AATF: variants seen among roughly 807,000 people sequenced by gnomAD.
AATF encodes the protein apoptosis antagonizing transcription factor, also known as protein AATF.
A neutral mutation model predicts 63.7 loss-of-function variants in AATF; 48 were observed. That is an observed-to-expected ratio of 0.75 (90% CI 0.60 to 0.96). The LOEUF is 0.96. AATF is among the 40% of genes least tolerant of loss of function. The pLI is 0.00. For missense variants in AATF, 639 were observed against 685.7 expected (o/e 0.93, Z 0.76); for synonymous variants, 258 against 247.7 (o/e 1.04, Z -0.39).
At chr17:37,055,145 A>G (rs1326667985) in intron 11 of AATF, 1 of 152,352 alleles carries the variant, frequency 6.6e-6, no homozygotes, top group Non-Finnish European at 1.5e-5. Context: ...TCTGTGGCCT[A>G]GGGGTCTGCT....
chr17:37,028,953 A>G (rs183039719), intron 10 of AATF, among the ~76,000 whole-genome samples: 1 of 132,856 alleles, frequency 7.5e-6, no homozygotes, highest in Admixed American at 7.0e-5. Context: ...AATTGTGTGA[A>G]TATATATATA....
intron 10 of AATF, among the ~76,000 whole-genome samples, chr17:37,028,818 G>T (rs914754267): frequency 2.0e-5 from 3 of 152,064 alleles, no homozygotes; most frequent in African/African-American, 7.2e-5. Context: ...TGAAGAATTA[G>T]AAGCAATGTA....
At chr17:36,987,599 C>A (rs777352627) in intron 5 of AATF, among the ~76,000 whole-genome samples, 3 of 152,158 alleles carry the variant, frequency 2.0e-5, no homozygotes, top group African/African-American at 4.8e-5. Flanking sequence ...AGGAAACTCA[C>A]ATTTATTGAG....
At chr17:37,018,503 G>A (rs542281412) in intron 8 of AATF, among the ~76,000 whole-genome samples, 10 of 152,298 alleles carry the variant, frequency 6.6e-5, no homozygotes, top group African/African-American at 1.9e-4. Context: ...ACAAGAGGCC[G>A]ATGCCCACAC....
intron 4 of AATF, 151 bp downstream of exon 4, chr17:36,954,058 C>A: frequency 9.6e-6 from 6 of 624,434 alleles, no homozygotes; most frequent in East Asian, 3.3e-5. Context: ...CTTGGCTTTC[C>A]AAGTTGCTTT....
intron 4 of AATF, among the ~76,000 whole-genome samples, chr17:36,969,007 C>T (rs2071018568): frequency 6.6e-6 from 1 of 152,082 alleles, no homozygotes; most frequent in South Asian, 2.1e-4. Flanking sequence ...TTTGCTTTCG[C>T]TTTAACTCCT....
rs1242997364 is a variant in AATF, at chr17:37,031,599, T to G, written c.1548-15T>G. On this transcript the variant is annotated splice_polypyrimidine_tract_variant and intron_variant, in intron 10 of 11. Coordinates refer to ENST00000619387, the MANE Select transcript of AATF (RefSeq NM_012138.4). ...GTTACTAATGTTGCTGCCTGTTGCT[T>G]CCTGCTTTATTTAGGTTTCATGTCC... The G allele has an allele frequency of 1.2e-6, 2 of 1,612,152 alleles. No individual in the cohort carries two copies. The highest frequency in any genetic ancestry group is 1.7e-6 in the Non-Finnish European group (2 of 1,178,198).
chr17:36,972,253 A>G (rs957251367), intron 4 of AATF, among the ~76,000 whole-genome samples: 1 of 152,176 alleles, frequency 6.6e-6, no homozygotes, highest in African/African-American at 2.4e-5. Flanking sequence ...GATTACACAG[A>G]GCTTCTAGAT....
chr17:37,014,267 G>GTAATAATAATAATAATAATAA (rs71368437), intron 8 of AATF, among the ~76,000 whole-genome samples: 13 of 145,078 alleles, frequency 9.0e-5, no homozygotes, highest in African/African-American at 3.4e-4. Context: ...GACTGTCTTA[G>GTAATAATAATAATAATAATAA]TAATAATAAT....
At chr17:36,985,403 T>C (rs920706484) in intron 4 of AATF, among the ~76,000 whole-genome samples, 1 of 150,814 alleles carries the variant, frequency 6.6e-6, no homozygotes, top group African/African-American at 2.4e-5. Flanking sequence ...CTCCACCAAG[T>C]AGCTGGAACT....
intron 4 of AATF, among the ~76,000 whole-genome samples, chr17:36,982,945 A>G (rs1158478494): frequency 6.6e-6 from 1 of 152,130 alleles, no homozygotes; most frequent in African/African-American, 2.4e-5. Context: ...GAATTATACA[A>G]TATTTTTCCT....
intron 11 of AATF, among the ~76,000 whole-genome samples, chr17:37,037,133 CG>C (rs2142308221): frequency 6.6e-6 from 1 of 152,030 alleles, no homozygotes; most frequent in Admixed American, 6.5e-5. Flanking sequence ...CTCAGCCTCC[CG>C]AGTAGCTGGG....
At chr17:37,007,359 ATTTTTTTTT>A (rs71368436) in intron 8 of AATF, among the ~76,000 whole-genome samples, 11 of 112,578 alleles carry the variant, frequency 9.8e-5, no homozygotes, top group African/African-American at 3.0e-4. Flanking sequence ...GGCTAATTTA[ATTTTTTTTT>A]TTTTTTTTTT....
At chr17:36,985,271 G>A (rs561727062) in intron 4 of AATF, among the ~76,000 whole-genome samples, 5 of 151,352 alleles carry the variant, frequency 3.3e-5, no homozygotes, top group Non-Finnish European at 5.9e-5. Flanking sequence ...AGTGTGTGTG[G>A]TTTTTTTTGG....
chr17:36,953,925 C>T lies in AATF; in HGVS notation c.832+18C>T. The T allele has an allele frequency of 6.2e-7, 1 of 1,610,888 alleles. No homozygotes were observed. The highest frequency in any genetic ancestry group is 8.5e-7 in the Non-Finnish European group (1 of 1,178,798). ...GAAAAATAGTAAGAATACTTATGTCCTGTTGGAATACTTAGAACCACTTTG... is the reference window on the plus strand; with the variant it reads ...GAAAAATAGTAAGAATACTTATGTCTTGTTGGAATACTTAGAACCACTTTG... On this transcript the variant is annotated intron_variant, in intron 4 of 11. Coordinates refer to ENST00000619387, the MANE Select transcript of AATF (RefSeq NM_012138.4).
chr17:36,951,475 G>A (rs1378014271), intron 2 of AATF, among the ~76,000 whole-genome samples: 1 of 152,116 alleles, frequency 6.6e-6, no homozygotes, highest in Non-Finnish European at 1.5e-5. Context: ...GAATTAGACA[G>A]ATTTTTATAA....
intron 4 of AATF, among the ~76,000 whole-genome samples, chr17:36,984,131 T>C (rs141199863): frequency 6.6e-6 from 1 of 152,296 alleles, no homozygotes; most frequent in African/African-American, 2.4e-5. Flanking sequence ...TAACCTAAGT[T>C]TGTGTGGGCT....
intron 8 of AATF, among the ~76,000 whole-genome samples, chr17:37,005,294 C>T (rs1021435040): frequency 2.0e-5 from 3 of 152,068 alleles, no homozygotes. Flanking sequence ...GGGTGTATAT[C>T]AGGGGTGATT....
intron 10 of AATF, among the ~76,000 whole-genome samples, chr17:37,029,183 C>G (rs891755712): frequency 3.9e-5 from 6 of 152,126 alleles, no homozygotes; most frequent in Admixed American, 6.5e-5. Context: ...CTCAGCCTCC[C>G]GAGTAGCTGG....
Sources: allele counts gnomAD v4.1 joint callset (sites outside exome capture counted in the v4.1 genomes callset), GRCh38; gene constraint gnomAD v4.1.1; transcripts MANE v1.5; gene names NCBI Gene and HGNC (gene_info 2026-07-23, HGNC 2026-07-21).